The following CENPI variants were observed in gnomAD, a reference collection of about 807,000 sequenced individuals.
CENPI encodes FSH primary response 1.
In CENPI, 4 loss-of-function variants were observed where a neutral mutation model predicts 60.4. The ratio of observed to expected loss-of-function variants is 0.07; its 90% confidence interval spans 0.03 to 0.15. CENPI has a LOEUF of 0.15. Ranked by LOEUF, CENPI falls within the 10% of genes least tolerant of loss-of-function variation. The pLI is 1.00. For synonymous variants in CENPI, 157 were observed against 189.4 expected (o/e 0.83, Z 1.40); for missense variants, 444 against 534.5 (o/e 0.83, Z 1.67).
At chrX:101,144,623 G>A (rs1393856756) in intron 16 of CENPI, among the ~76,000 whole-genome samples, 1 of 108,614 alleles carries the variant, frequency 9.2e-6, no homozygotes, top group East Asian at 2.9e-4. Context: ...ATTCAAGAGA[G>A]CCCCCGACCT....
At chrX:101,148,766 G>A (rs181375649) in intron 20 of CENPI, among the ~76,000 whole-genome samples, 1 of 111,578 alleles carries the variant, frequency 9.0e-6, no homozygotes, top group Admixed American at 9.6e-5. Flanking sequence ...ACAACAGGGT[G>A]GAATTACAAA....
intron 15 of CENPI, among the ~76,000 whole-genome samples, chrX:101,135,690 T>G (rs1014832470): frequency 4.5e-5 from 5 of 112,296 alleles, no homozygotes; most frequent in Non-Finnish European, 7.5e-5. Flanking sequence ...TGGCACTTGA[T>G]TAAATAGAAG....
chrX:101,170,606 C>T (rs779747074), downstream of CENPI, among the ~76,000 whole-genome samples: 6 of 111,250 alleles, frequency 5.4e-5, no homozygotes, highest in South Asian at 2.3e-3. Context: ...AGCAATACAC[C>T]CCAAACTGAT....
At chrX:101,177,024 G>A in the CENPI span, among the ~76,000 whole-genome samples, 5 of 111,522 alleles carry the variant, frequency 4.5e-5, no homozygotes, top group Non-Finnish European at 9.4e-5. Context: ...TTCCAGTGGC[G>A]GGCTGAATGT....
chrX:101,135,039 A>T (rs748492370), intron 15 of CENPI, among the ~76,000 whole-genome samples: 34 of 111,771 alleles, frequency 3.0e-4, no homozygotes, highest in Non-Finnish European at 5.4e-4. Flanking sequence ...ACAAAATTTA[A>T]AAAAGGAATT....
chrX:101,103,254 A>G (rs1000113753), intron 4 of CENPI, among the ~76,000 whole-genome samples: 3 of 111,084 alleles, frequency 2.7e-5, no homozygotes, highest in Admixed American at 9.6e-5. Context: ...TCGGCCTCCC[A>G]AAGTGCTGGG....
chrX:101,126,718 C>G lies in CENPI; in HGVS notation c.697C>G (p.Pro233Ala), dbSNP rs1281232154. The G allele has an allele frequency of 8.3e-7, 1 of 1,204,593 alleles. No homozygotes were observed. Among genetic ancestry groups the G allele is most frequent in the South Asian group, 1.8e-5 (1 of 56,483 alleles). ...LDLQAKMGMQ[P>A]HLQALLSLYK... Reference sequence around the variant, plus strand: ...ACTTATTTTATTTCAGGGAATGCAGCCTCATCTCCAGGCTTTGTTGTCACT... The same window carrying G: ...ACTTATTTTATTTCAGGGAATGCAGGCTCATCTCCAGGCTTTGTTGTCACT... The change falls in exon 9 of 22, where the codon CCT becomes GCT. Residue 233 changes from proline to alanine, a missense_variant. Physicochemically the swap from Pro to Ala is conservative, Grantham distance 27. Transcript: ENST00000682095.
chrX:101,125,644 C>T (rs1465252452), intron 8 of CENPI, among the ~76,000 whole-genome samples: 1 of 111,309 alleles, frequency 9.0e-6, no homozygotes, highest in Non-Finnish European at 1.9e-5. Context: ...GTGATACACC[C>T]ACTTCGGCCT....
intron 2 of CENPI, among the ~76,000 whole-genome samples, chrX:101,100,257 C>T (rs2089399229): frequency 9.0e-6 from 1 of 111,464 alleles, no homozygotes; most frequent in African/African-American, 3.3e-5. Context: ...ATATTTGTCT[C>T]CTGAAAATGC....
At chrX:101,112,400 G>A (rs1159923840) in intron 6 of CENPI, among the ~76,000 whole-genome samples, 3 of 111,827 alleles carry the variant, frequency 2.7e-5, no homozygotes, top group Non-Finnish European at 5.6e-5. Context: ...ATGGATAAAA[G>A]ATCCATTTAA....
chrX:101,117,506 G>A (rs1474832121), intron 6 of CENPI, among the ~76,000 whole-genome samples: 2 of 112,129 alleles, frequency 1.8e-5, no homozygotes, highest in East Asian at 2.8e-4. Context: ...AACTGCAGAC[G>A]TTTTTTGAGC....
At position 101,146,166 on chromosome X, in the gene CENPI, A is replaced by G. The variant is rs1315448124; in HGVS notation, c.1715A>G (p.Tyr572Cys). ...TCTTCCTCCAAGGTGTGTGACATAT[A>G]TATAAATTATAACCTTCCATTAGTG... The part of the protein sequence containing the change: ...LDFYEKVCDI[Y>C]INYNLPLVVL... The change falls in exon 18 of 22, where the codon TAT (tyrosine) becomes TGT (cysteine). Residue 572 changes from tyrosine to cysteine, a missense_variant. Tyr to Cys is a radical substitution (Grantham distance 194, BLOSUM62 -2). Coordinates refer to ENST00000682095, the MANE Select transcript of CENPI (RefSeq NM_001386188.2). The G allele has an allele frequency of 2.5e-6, 3 of 1,198,644 alleles. No homozygotes were observed. The highest frequency in any genetic ancestry group is 3.4e-6 in the Non-Finnish European group (3 of 884,436).
chrX:101,168,473 G>A (rs1249470774), downstream of CENPI, among the ~76,000 whole-genome samples: 1 of 112,136 alleles, frequency 8.9e-6, no homozygotes, highest in Non-Finnish European at 1.9e-5. Context: ...GACTGAGGCA[G>A]GAGAATTGCT....
At chrX:101,148,911 A>G (rs1397535388) in intron 20 of CENPI, among the ~76,000 whole-genome samples, 1 of 112,043 alleles carries the variant, frequency 8.9e-6, no homozygotes, top group Non-Finnish European at 1.9e-5. Flanking sequence ...ACAATGAACC[A>G]GGCACTACAG....
At chrX:101,114,131 C>T (rs1305424949) in intron 6 of CENPI, among the ~76,000 whole-genome samples, 2 of 111,636 alleles carry the variant, frequency 1.8e-5, no homozygotes, top group Non-Finnish European at 3.8e-5. Flanking sequence ...GTGACAGGCA[C>T]CTCTAATCCT....
At chrX:101,178,398 C>CTTCTTTTTTTTTTT in the CENPI span, among the ~76,000 whole-genome samples, 19 of 39,981 alleles carry the variant, frequency 4.8e-4, 1 homozygote, top group Non-Finnish European at 7.6e-4. Context: ...TTTTCTTCTT[C>CTTCTTTTTTTTTTT]TTTTTTTTTT....
intron 19 of CENPI, 33 bp from the exon 20 acceptor site, chrX:101,147,910 G>A (rs2089975812): frequency 2.6e-6 from 3 of 1,173,683 alleles, no homozygotes; most frequent in Non-Finnish European, 3.5e-6. Context: ...GAGAATAGGT[G>A]ATAGTGACAA....
chrX:101,139,820 G>GTTTT (rs35960415), intron 15 of CENPI, among the ~76,000 whole-genome samples: 2 of 89,688 alleles, frequency 2.2e-5, no homozygotes, highest in Non-Finnish European at 2.3e-5. Context: ...ATTATTGTAT[G>GTTTT]TTTTTTTTTT....
intron 8 of CENPI, among the ~76,000 whole-genome samples, chrX:101,122,956 G>A (rs2089695502): frequency 8.9e-6 from 1 of 112,597 alleles, no homozygotes; most frequent in Non-Finnish European, 1.9e-5. Flanking sequence ...AGTAAAAAAT[G>A]ATTTATGAGA....
Sources: gnomAD v4.1 joint callset for allele counts (sites outside exome capture counted in the v4.1 genomes callset) on GRCh38, gnomAD v4.1.1 for gene constraint, MANE v1.5 for transcripts, NCBI Gene and HGNC (gene_info 2026-07-23, HGNC 2026-07-21) for gene names.